The following SLC17A1 variants were observed in gnomAD, a reference collection of about 807,000 sequenced individuals.
SLC17A1 encodes the protein solute carrier family 17 member 1.
A neutral mutation model predicts 53.5 loss-of-function variants in SLC17A1; 51 were observed. That is an observed-to-expected ratio of 0.95 (90% confidence interval 0.76 to 1.20). The LOEUF (loss-of-function observed/expected upper bound fraction) is 1.20, where lower values mean the gene tolerates loss of function less well. SLC17A1 is among the 50% of genes most tolerant of loss of function. The probability of loss-of-function intolerance (pLI) is 0.00; values close to 1 mark genes in which losing one functional copy is unlikely to be tolerated. For synonymous variants in SLC17A1, 179 were observed against 198.8 expected, an observed-to-expected ratio of 0.90 and a Z score of 0.84; for missense variants, 538 against 568.2, an observed-to-expected ratio of 0.95 and a Z score of 0.54.
the SLC17A1 span, among the ~76,000 whole-genome samples, chr6:25,751,982 T>C: frequency 6.6e-6 from 1 of 152,238 alleles, no homozygotes; most frequent in East Asian, 1.9e-4. Context: ...TTATAGTAGA[T>C]ACAAGCTAGG....
the SLC17A1 span, among the ~76,000 whole-genome samples, chr6:25,775,280 C>T: frequency 0.019 from 2,789 of 150,752 alleles, 101 homozygotes; most frequent in African/African-American, 0.062. Context: ...TTCAGTGAGC[C>T]GAGATTATGA....
chr6:25,798,902 C>G lies in SLC17A1; in HGVS notation c.1287G>C (p.Trp429Cys). The change falls in exon 12 of 13, where the codon TGG becomes TGC. Residue 429 changes from tryptophan (W) to cysteine (C), a missense_variant. By Grantham distance (215) the Trp-to-Cys change is radical (BLOSUM62 -2). Transcript: ENST00000244527. ...LILKQDPESA[W>C]FKTFILMAAI... The stretch of plus-strand genomic sequence containing the variant: ...CTGCCATCAGGATGAAGGTTTTAAA[C>G]CAGGCGGATTCCGGATCCTAAGGAA... The G allele has an allele frequency of 6.3e-7, 1 of 1,590,172 alleles. No individual in the cohort carries two copies. The highest frequency in any genetic ancestry group is 8.6e-7 in the Non-Finnish European group (1 of 1,163,264).
At chr6:25,791,728 C>T (rs1334574985) in intron 12 of SLC17A1, among the ~76,000 whole-genome samples, 1 of 152,206 alleles carries the variant, frequency 6.6e-6, no homozygotes, top group Non-Finnish European at 1.5e-5. Flanking sequence ...AAGTGGTTAA[C>T]ACAGAAAATT....
chr6:25,761,624 G>C, the SLC17A1 span, among the ~76,000 whole-genome samples: 1 of 152,112 alleles, frequency 6.6e-6, no homozygotes, highest in South Asian at 2.1e-4. Context: ...ATGTCCATTT[G>C]ATACTAGTAT....
At position 25,812,921 on chromosome 6, in the gene SLC17A1, A is replaced by C. The variant is rs766449627; in HGVS notation, c.807T>G (p.Thr269=). The C allele has an allele frequency of 2.5e-6, 4 of 1,613,732 alleles. No homozygotes were observed. In the South Asian group the frequency reaches 4.4e-5, roughly 18 times the overall value. The part of the protein sequence containing the change: ...LKSLPVWAIS[T]GSFTFFWSHN... Reference sequence around the variant, plus strand: ...GTGACCAGAAAAACGTAAAACTACCAGTGGAAATAGCCCAGACTGGAAGCG... The same window carrying C: ...GTGACCAGAAAAACGTAAAACTACCCGTGGAAATAGCCCAGACTGGAAGCG... The change falls in exon 8 of 13, where the codon ACT becomes ACG. Residue 269 remains threonine, a synonymous_variant. Coordinates refer to ENST00000244527, the MANE Select transcript of SLC17A1 (RefSeq NM_005074.5).
chr6:25,735,719 AATT>A, the SLC17A1 span, among the ~76,000 whole-genome samples: 6 of 152,166 alleles, frequency 3.9e-5, no homozygotes, highest in African/African-American at 1.4e-4. Flanking sequence ...TTACTTTCTA[AATT>A]ATTGTGTTGT....
intron 2 of SLC17A1, 81 bp from the exon 3 acceptor site, chr6:25,826,714 A>T: frequency 6.2e-6 from 6 of 969,682 alleles, no homozygotes; most frequent in Non-Finnish European, 8.5e-6. Flanking sequence ...GACATTCAGA[A>T]ATTTGGAGCC....
chr6:25,726,719 C>T, the SLC17A1 span: 3 of 1,048,096 alleles, frequency 2.9e-6, no homozygotes, highest in Non-Finnish European at 4.1e-6. Flanking sequence ...TTTTGGATAC[C>T]GAACGCGGCG....
the SLC17A1 span, among the ~76,000 whole-genome samples, chr6:25,755,058 C>CAA: frequency 6.7e-6 from 1 of 149,288 alleles, no homozygotes; most frequent in African/African-American, 2.4e-5. Flanking sequence ...TACACACACA[C>CAA]ACACACACAC....
intron 6 of SLC17A1, 120 bp downstream of exon 6, chr6:25,818,948 C>T: frequency 3.1e-6 from 2 of 645,992 alleles, no homozygotes; most frequent in Non-Finnish European, 5.2e-6. Context: ...CTCTTTCACT[C>T]AGTGGAGTTC....
At chr6:25,768,572 A>G in the SLC17A1 span, 1 of 233,012 alleles carries the variant, frequency 4.3e-6, no homozygotes, top group Non-Finnish European at 7.5e-6. Flanking sequence ...TGGCACTTCC[A>G]GCTATCCCAG....
chr6:25,773,994 T>C, the SLC17A1 span, among the ~76,000 whole-genome samples: 4 of 152,074 alleles, frequency 2.6e-5, no homozygotes, highest in African/African-American at 4.8e-5. Context: ...CTCAATCCCA[T>C]CAAAATTTGC....
At chr6:25,727,019 G>A in the SLC17A1 span, 3 of 1,614,212 alleles carry the variant, frequency 1.9e-6, no homozygotes, top group Non-Finnish European at 2.5e-6. Flanking sequence ...CCCGTAAGGA[G>A]AGTTATTCTA....
the SLC17A1 span, chr6:25,773,631 C>G: frequency 2.5e-6 from 4 of 1,613,892 alleles, no homozygotes; most frequent in Non-Finnish European, 3.4e-6. Context: ...ATGGCGTACA[C>G]ACCAACGTAC....
chr6:25,831,145 C>T (rs77101320), intron 1 of SLC17A1, among the ~76,000 whole-genome samples: 8,544 of 152,182 alleles, frequency 0.056, 414 homozygotes, highest in African/African-American at 0.13. Context: ...TCCACATGCC[C>T]CTGTCCGTAT....
the SLC17A1 span, among the ~76,000 whole-genome samples, chr6:25,740,896 G>A: frequency 1.3e-5 from 2 of 152,180 alleles, no homozygotes; most frequent in Non-Finnish European, 2.9e-5. Context: ...CCTGGAGGAT[G>A]TTAAGTGAAA....
At chr6:25,785,420 C>T (rs1763360502) in intron 12 of SLC17A1, among the ~76,000 whole-genome samples, 1 of 151,980 alleles carries the variant, frequency 6.6e-6, no homozygotes, top group Non-Finnish European at 1.5e-5. Flanking sequence ...TTGATTACTT[C>T]TATATGACAA....
At chr6:25,725,095 C>T in the SLC17A1 span, among the ~76,000 whole-genome samples, 77 of 149,866 alleles carry the variant, frequency 5.1e-4, no homozygotes, top group Middle Eastern at 3.4e-3. Context: ...GGCAGCGTTA[C>T]TGAATGGGTT....
rs139792251 is a variant in SLC17A1, at chr6:25,798,792, C to T, written c.1397G>A (p.Arg466His). The T allele has an allele frequency of 1.9e-5, 31 of 1,607,374 alleles. No homozygotes were observed. In the East Asian group the frequency reaches 2.0e-4, roughly 10 times the overall value. ...TCTGATCACTTCTCACCTTCAGAGA[C>T]GTGTGTGTTGTTTTTCTTTAGCCCA... ...QDWAKEKQHT[R>H]L Residue 466 changes from arginine (R) to histidine (H), a missense_variant, in exon 12 of 13, where the codon CGT becomes CAT. Arg to His is a conservative substitution (Grantham distance 29). Coordinates refer to ENST00000244527, the MANE Select transcript of SLC17A1 (RefSeq NM_005074.5).
Sources: gnomAD v4.1 joint callset for allele counts (sites outside exome capture counted in the v4.1 genomes callset) on GRCh38, gnomAD v4.1.1 for gene constraint, MANE v1.5 for transcripts, NCBI Gene and HGNC (gene_info 2026-07-23, HGNC 2026-07-21) for gene names.